Variants in PARVG observed in about 807,000 individuals in gnomAD.
PARVG encodes gamma-parvin.
In PARVG, 36 loss-of-function variants were observed where a neutral mutation model predicts 44.4. That is an observed-to-expected ratio of 0.81 (90% confidence interval 0.62 to 1.07). The LOEUF (loss-of-function observed/expected upper bound fraction) is 1.07. Among genes scored for constraint, PARVG ranks in the 50% least tolerant of loss-of-function variants. The probability of loss-of-function intolerance (pLI) is 0.00; values close to 1 mark genes in which losing one functional copy is unlikely to be tolerated. For missense variants in PARVG, 407 were observed against 407.4 expected (o/e 1.00, Z 0.01); for synonymous variants, 170 against 174.1 (o/e 0.98, Z 0.19).
chr22:44,193,847 A>G (rs764384893), intron 9 of PARVG, 24 bp downstream of exon 9: 1 of 1,613,852 alleles, frequency 6.2e-7, no homozygotes, highest in South Asian at 1.1e-5. Context: ...TCATTTTTGG[A>G]AATCTGTTCC....
At chr22:44,206,158 G>A (rs535821547) in intron 13 of PARVG, among the ~76,000 whole-genome samples, 159 bp from the exon 14 acceptor site, 9 of 152,084 alleles carry the variant, frequency 5.9e-5, no homozygotes, top group African/African-American at 9.7e-5. Context: ...CGCAGCAGGC[G>A]CGGGACCCAG....
rs138121204 is a variant in PARVG at position 44,195,293 on chromosome 22, C to T, written c.584-862C>T. Among the ~76,000 whole-genome samples the T allele has an allele frequency of 6.4e-3, 967 of 152,252 alleles. 3 individuals are homozygous for T. The highest frequency in any genetic ancestry group is 0.017 in the Middle Eastern group (5 of 294). ...AGGACACAGAGCAGGGGCATTTTAA[C>T]GTGCATGATGCTATTTGGTGCTACT... On this transcript the variant is annotated intron_variant, in intron 9 of 13. Coordinates refer to ENST00000444313, the MANE Select transcript of PARVG (RefSeq NM_022141.7).
At chr22:44,192,020 T>A (rs750313583) in intron 7 of PARVG, 29 bp from the exon 8 acceptor site, 30 of 1,612,332 alleles carry the variant, frequency 1.9e-5, no homozygotes, top group Non-Finnish European at 2.5e-5. Flanking sequence ...TCTGGATTAT[T>A]TAATTTCTTC....
chr22:44,186,289 G>T, intron 4 of PARVG: 1 of 329,158 alleles, frequency 3.0e-6, no homozygotes, highest in Non-Finnish European at 6.1e-6. Flanking sequence ...CCAAGGTGTA[G>T]GAGAACTGGT....
intron 7 of PARVG, among the ~76,000 whole-genome samples, 197 bp from the exon 8 acceptor site, chr22:44,191,852 T>C (rs1038370779): frequency 2.2e-4 from 34 of 152,114 alleles, no homozygotes; most frequent in African/African-American, 8.2e-4. Flanking sequence ...ACTGCCCTCC[T>C]CCCACTGTGA....
chr22:44,191,923 A>T, intron 7 of PARVG, 126 bp from the exon 8 acceptor site: 1 of 1,079,514 alleles, frequency 9.3e-7, no homozygotes, highest in South Asian at 1.4e-5. Flanking sequence ...ACTCCTGGGG[A>T]AGAAAGACAA....
intron 12 of PARVG, among the ~76,000 whole-genome samples, chr22:44,198,945 C>CACAT (rs2054661646): frequency 4.3e-5 from 1 of 23,052 alleles, no homozygotes; most frequent in African/African-American, 2.1e-4. Flanking sequence ...CATCCACCCA[C>CACAT]CCATCCATCC....
intron 12 of PARVG, among the ~76,000 whole-genome samples, chr22:44,201,990 A>G (rs1162281593): frequency 6.6e-6 from 1 of 152,238 alleles, no homozygotes; most frequent in Non-Finnish European, 1.5e-5. Flanking sequence ...GTGACATGGG[A>G]CAGCCCTGCA....
upstream of PARVG, among the ~76,000 whole-genome samples, chr22:44,179,240 C>T (rs2054346027): frequency 6.6e-6 from 1 of 152,140 alleles, no homozygotes. The surrounding 1 kb of genome is among the most constrained non-coding windows in gnomAD (Gnocchi z 4.2). Context: ...GAGTCCCTCT[C>T]TTCCCCTAAA....
upstream of PARVG, among the ~76,000 whole-genome samples, chr22:44,177,949 A>G (rs1007628326): frequency 6.6e-6 from 1 of 152,204 alleles, no homozygotes; most frequent in African/African-American, 2.4e-5. Flanking sequence ...ATCGATCAAT[A>G]TTTATGAGGA....
At chr22:44,186,687 G>C in intron 4 of PARVG, 1 of 470,504 alleles carries the variant, frequency 2.1e-6, no homozygotes, top group South Asian at 1.5e-5. Flanking sequence ...TCCACAGGCT[G>C]ATCCAGAGAC....
chr22:44,173,266 C>T, intron 1 of PARVG: 2 of 1,145,822 alleles, frequency 1.7e-6, no homozygotes, highest in Non-Finnish European at 1.1e-6. Flanking sequence ...GCCAGGAGCA[C>T]AGGCTGCATG....
At chr22:44,205,855 G>T in intron 13 of PARVG, 26 bp downstream of exon 13, 9 of 1,609,274 alleles carry the variant, frequency 5.6e-6, no homozygotes, top group Non-Finnish European at 6.8e-6. Context: ...ATGCCCACAC[G>T]GTGGCCAGCC....
At chr22:44,184,999 A>C (rs2054442952) in intron 3 of PARVG, 1 of 152,142 alleles carries the variant, frequency 6.6e-6, no homozygotes, top group Non-Finnish European at 1.5e-5. Context: ...ATATCCATTC[A>C]CTCATTCCTT....
intron 8 of PARVG, among the ~76,000 whole-genome samples, chr22:44,192,785 C>T (rs2054567885): frequency 6.6e-6 from 1 of 152,082 alleles, no homozygotes; most frequent in Non-Finnish European, 1.5e-5. Context: ...TACTGTTCCC[C>T]ACCCACTAGG....
At position 44,198,620 on chromosome 22, in the gene PARVG, GT is replaced by G. The variant is rs1569186006; in HGVS notation, c.714del (p.Phe238LeufsTer10). On this transcript the variant is annotated frameshift_variant and splice_region_variant, in exon 12 of 14. Coordinates refer to ENST00000444313, the MANE Select transcript of PARVG (RefSeq NM_022141.7). LOFTEE classifies it high-confidence loss of function. ...ATTGTCTCCAGTTCCTTCCTTTGTA[GT>G]TTGCAGATGGGGTCATCTTACTCTT... ...GLSVQNLDTQ[F>X]ADGVILLLLI... The G allele has an allele frequency of 6.2e-7, 1 of 1,610,514 alleles. No homozygotes were observed. Among genetic ancestry groups the G allele is most frequent in the Admixed American group, 1.7e-5 (1 of 60,020 alleles).
At chr22:44,196,544 C>A in intron 11 of PARVG, 129 bp downstream of exon 11, 1 of 1,132,260 alleles carries the variant, frequency 8.8e-7, no homozygotes, top group Non-Finnish European at 1.3e-6. Context: ...CCTTAGGGTC[C>A]CCCTCCCCGG....
At chr22:44,196,521 T>A in intron 11 of PARVG, 106 bp downstream of exon 11, 1 of 1,373,166 alleles carries the variant, frequency 7.3e-7, no homozygotes, top group East Asian at 2.3e-5. Context: ...GGGGGTTGCA[T>A]CACCTCTTGG....
chr22:44,204,440 G>A (rs2054751933), intron 12 of PARVG, among the ~76,000 whole-genome samples: 1 of 152,266 alleles, frequency 6.6e-6, no homozygotes, highest in South Asian at 2.1e-4. Context: ...GGCCCAGCCA[G>A]GATGTGTGAC....
Sources: allele counts gnomAD v4.1 joint callset (sites outside exome capture counted in the v4.1 genomes callset), GRCh38; gene constraint gnomAD v4.1.1; non-coding constraint Gnocchi (gnomAD v3.1); transcripts MANE v1.5; gene names NCBI Gene and HGNC (gene_info 2026-07-23, HGNC 2026-07-21).